The following HK1 variants were observed in gnomAD, a reference collection of about 807,000 sequenced individuals.
HK1 encodes the protein hexokinase-1.
HK1 carries 28 observed loss-of-function variants against 91.6 expected under a neutral mutation model. That is an observed-to-expected ratio of 0.31 (90% CI 0.23 to 0.42). HK1 has a LOEUF of 0.42. Among genes scored for constraint, HK1 ranks in the 10% least tolerant of loss-of-function variants. The pLI, the probability that HK1 is intolerant of heterozygous loss-of-function variation, is 1.00. For synonymous variants in HK1, 430 were observed against 468.1 expected, an observed-to-expected ratio of 0.92 and a Z score of 1.05; for missense variants, 770 against 1,219.8, an observed-to-expected ratio of 0.63 and a Z score of 5.49.
At chr10:69,330,513 C>A (rs1847654551) in intron 1 of HK1, among the ~76,000 whole-genome samples, 1 of 152,066 alleles carries the variant, frequency 6.6e-6, no homozygotes, top group Admixed American at 6.5e-5. Context: ...ACCTGCAGAA[C>A]CAGAACGGTG....
intron 1 of HK1, among the ~76,000 whole-genome samples, chr10:69,326,425 T>C (rs1009886890): frequency 6.6e-5 from 10 of 152,132 alleles, no homozygotes; most frequent in Non-Finnish European, 1.3e-4. Flanking sequence ...AAGCAATTTA[T>C]TCCCCATTTA....
chr10:69,342,281 A>G (rs1434483180), intron 1 of HK1, among the ~76,000 whole-genome samples: 1 of 152,164 alleles, frequency 6.6e-6, no homozygotes, highest in Non-Finnish European at 1.5e-5. Flanking sequence ...TTCTGTGTGC[A>G]AGGCTCCATG....
At chr10:69,288,792 T>C in intron 3 of HK1, 20 of 1,609,572 alleles carry the variant, frequency 1.2e-5, no homozygotes, top group Non-Finnish European at 1.6e-5. Flanking sequence ...TGTTTCTTTC[T>C]TTCTTTCTTT....
exon 3 of HK1, chr10:69,288,716 C>T (rs1186922411): frequency 5.6e-6 from 9 of 1,612,128 alleles, no homozygotes; most frequent in Non-Finnish European, 8.5e-7. Context: ...GAAGAAAGGA[C>T]CCGAGGTCAG....
chr10:69,303,412 A>C (rs949516940), intron 5 of HK1, among the ~76,000 whole-genome samples: 1 of 148,434 alleles, frequency 6.7e-6, no homozygotes, highest in African/African-American at 2.5e-5. Flanking sequence ...GAGAATTGCA[A>C]TAGAGAAAGA....
intron 7 of HK1, among the ~76,000 whole-genome samples, chr10:69,375,983 C>T (rs1839081632): frequency 1.3e-5 from 2 of 152,176 alleles, no homozygotes; most frequent in African/African-American, 2.4e-5. Flanking sequence ...ATGCAGAGCC[C>T]AGCCCTGGAG....
chr10:69,396,514 C>G (rs116861852), intron 16 of HK1, among the ~76,000 whole-genome samples: 18 of 129,922 alleles, frequency 1.4e-4, no homozygotes, highest in African/African-American at 3.6e-4. Context: ...TCCCTCCCCC[C>G]ACCCCAGCAA....
chr10:69,365,216 G>T (rs1165030585), intron 4 of HK1, among the ~76,000 whole-genome samples: 3 of 152,104 alleles, frequency 2.0e-5, no homozygotes, highest in South Asian at 4.2e-4. Flanking sequence ...AGGTGGGAAA[G>T]CTCTTTGCCA....
At chr10:69,368,151 G>A (rs747559421) in intron 4 of HK1, among the ~76,000 whole-genome samples, 12 of 152,206 alleles carry the variant, frequency 7.9e-5, no homozygotes, top group African/African-American at 1.7e-4. Context: ...TGTGGAAGCC[G>A]GGGTCTGGTT....
upstream of HK1, among the ~76,000 whole-genome samples, chr10:69,313,137 C>T (rs998727265): frequency 3.3e-5 from 5 of 152,222 alleles, no homozygotes; most frequent in Admixed American, 1.3e-4. Flanking sequence ...ATCCTAGGCA[C>T]GGCTCTTGCC....
At chr10:69,330,971 C>G (rs2132626140) in intron 1 of HK1, among the ~76,000 whole-genome samples, 1 of 151,956 alleles carries the variant, frequency 6.6e-6, no homozygotes, top group South Asian at 2.1e-4. Context: ...CCTCCACCTT[C>G]CTGGTTCAAG....
At chr10:69,360,530 GT>G (rs1849367003) in intron 3 of HK1, among the ~76,000 whole-genome samples, 2 of 152,212 alleles carry the variant, frequency 1.3e-5, no homozygotes, top group Non-Finnish European at 2.9e-5. Context: ...GGGGCTTCTT[GT>G]TACCTGATTT....
At chr10:69,372,919 A>T (rs2132833880) in intron 7 of HK1, among the ~76,000 whole-genome samples, 2 of 151,982 alleles carry the variant, frequency 1.3e-5, no homozygotes, top group South Asian at 4.2e-4. Context: ...CCCAGGCTGG[A>T]GTGCAATGGC....
At chr10:69,392,593 TG>T (rs1839949736) in intron 15 of HK1, among the ~76,000 whole-genome samples, 1 of 152,138 alleles carries the variant, frequency 6.6e-6, no homozygotes, top group Admixed American at 6.5e-5. Flanking sequence ...CCCCTTGCTG[TG>T]TTCCTTTCCC....
At chr10:69,315,019 C>T (rs1220061132), upstream of HK1, among the ~76,000 whole-genome samples, 1 of 152,038 alleles carries the variant, frequency 6.6e-6, no homozygotes, top group African/African-American at 2.4e-5. Flanking sequence ...TCCAGGAGTT[C>T]GAGACCAGCC....
intron 2 of HK1, among the ~76,000 whole-genome samples, chr10:69,285,368 A>G (rs4638197): frequency 0.99 from 150,360 of 152,126 alleles, 74,340 homozygotes; most frequent in Non-Finnish European, 1. Context: ...AGCTTGCAGT[A>G]AGCCGAGATT....
chr10:69,361,867 G>A (rs1849440417), intron 3 of HK1, among the ~76,000 whole-genome samples: 1 of 151,906 alleles, frequency 6.6e-6, no homozygotes, highest in African/African-American at 2.4e-5. Flanking sequence ...GCCCAGGCTG[G>A]AGTGCAGTGG....
At chr10:69,303,527 G>A (rs1333552539) in intron 5 of HK1, among the ~76,000 whole-genome samples, 1 of 152,126 alleles carries the variant, frequency 6.6e-6, no homozygotes, top group Admixed American at 6.6e-5. Context: ...ATGCACCATG[G>A]GTCAGCAGTG....
chr10:69,273,554 G>T (rs1401418168), intron 1 of HK1, among the ~76,000 whole-genome samples: 1 of 152,174 alleles, frequency 6.6e-6, no homozygotes, highest in Non-Finnish European at 1.5e-5. Flanking sequence ...GTTTCACCAT[G>T]TTGGCCAGGC....
Sources: allele counts gnomAD v4.1 joint callset (sites outside exome capture counted in the v4.1 genomes callset), GRCh38; gene constraint gnomAD v4.1.1; transcripts MANE v1.5; gene names NCBI Gene and HGNC (gene_info 2026-07-23, HGNC 2026-07-21).